RALYL: variants seen among roughly 807,000 people sequenced by gnomAD.
The protein encoded by RALYL is RNA-binding Raly-like protein.
Under a neutral mutation model 35.1 loss-of-function variants are expected in RALYL, and 29 were observed. The observed-to-expected ratio is 0.83, with a 90% CI of 0.61 to 1.13. The LOEUF (loss-of-function observed/expected upper bound fraction) is 1.13. Ranked by LOEUF, RALYL falls within the 50% of genes most tolerant of loss-of-function variation. The pLI is 0.00. For synonymous variants in RALYL, 120 were observed against 127.6 expected, an observed-to-expected ratio of 0.94 and a Z score of 0.40; for missense variants, 359 against 360.4, an observed-to-expected ratio of 1.00 and a Z score of 0.03.
At chr8:84,363,972 C>G (rs1273230201) in intron 1 of RALYL, among the ~76,000 whole-genome samples, 1 of 151,984 alleles carries the variant, frequency 6.6e-6, no homozygotes, top group Non-Finnish European at 1.5e-5. Flanking sequence ...TTGTTTTTAC[C>G]AATGTATTCT....
chr8:84,231,881 G>T (rs1413275735), intron 1 of RALYL, among the ~76,000 whole-genome samples: 1 of 152,064 alleles, frequency 6.6e-6, no homozygotes, highest in East Asian at 1.9e-4. Flanking sequence ...GTTCAGAAAA[G>T]TTCAGTACAG....
intron 1 of RALYL, among the ~76,000 whole-genome samples, chr8:84,382,721 T>C (rs746055760): frequency 9.2e-5 from 14 of 151,692 alleles, no homozygotes; most frequent in Non-Finnish European, 1.5e-4. Flanking sequence ...ATTTCACTTA[T>C]CTTCATATTT....
intron 2 of RALYL, among the ~76,000 whole-genome samples, chr8:84,765,741 T>C (rs539187162): frequency 6.6e-6 from 1 of 152,184 alleles, no homozygotes; most frequent in African/African-American, 2.4e-5. Flanking sequence ...AATCCCTAAA[T>C]CTTCTAAATG....
chr8:84,432,425 G>A lies in RALYL; in HGVS notation c.-23-96874G>A, dbSNP rs188649298. Among the ~76,000 whole-genome samples, 14 of 151,174 alleles carry A rather than the reference G, an allele frequency of 9.3e-5. No individual in the cohort carries two copies. The East Asian group carries it at 2.0e-3, about 22-fold the overall frequency. On this transcript the variant is annotated intron_variant, in intron 1 of 8. Transcript: ENST00000521268. ...TATTCAATACCTGTACAAATTATAC[G>A]TGGTTCTAGAAATCTACTGTATTAA...
intron 1 of RALYL, among the ~76,000 whole-genome samples, chr8:84,368,841 C>A (rs914801591): frequency 6.6e-6 from 1 of 152,068 alleles, no homozygotes; most frequent in African/African-American, 2.4e-5. Flanking sequence ...CAGTCAGCAA[C>A]CCATAATCAA....
At chr8:84,805,239 C>A (rs565284444) in intron 4 of RALYL, among the ~76,000 whole-genome samples, 1 of 152,324 alleles carries the variant, frequency 6.6e-6, no homozygotes, top group Non-Finnish European at 1.5e-5. Flanking sequence ...TCTATCTTTT[C>A]TCCTTATCTC....
At chr8:84,215,071 A>G (rs1820467605) in intron 1 of RALYL, among the ~76,000 whole-genome samples, 1 of 151,856 alleles carries the variant, frequency 6.6e-6, no homozygotes, top group Non-Finnish European at 1.5e-5. Flanking sequence ...GTGCCCGGCT[A>G]ATTTTTTGTA....
chr8:84,215,329 C>T (rs1820544329), intron 1 of RALYL, among the ~76,000 whole-genome samples: 1 of 151,914 alleles, frequency 6.6e-6, no homozygotes, highest in Non-Finnish European at 1.5e-5. Context: ...AATATGGAAA[C>T]ATTTTATTGA....
chr8:84,444,552 A>G (rs776271028), intron 1 of RALYL, among the ~76,000 whole-genome samples: 42 of 152,198 alleles, frequency 2.8e-4, no homozygotes, highest in Middle Eastern at 3.4e-3. Context: ...CGCTAGATAC[A>G]TCATTCTAGC....
chr8:84,698,902 A>G (rs1379794870), intron 2 of RALYL, among the ~76,000 whole-genome samples: 1 of 152,062 alleles, frequency 6.6e-6, no homozygotes, highest in Non-Finnish European at 1.5e-5. Context: ...TCTAGCTACA[A>G]TCTGGCCACT....
chr8:84,630,847 T>G (rs7819269), intron 2 of RALYL, among the ~76,000 whole-genome samples: 29,676 of 151,916 alleles, frequency 0.2, 3,136 homozygotes, highest in Non-Finnish European at 0.23. Flanking sequence ...ATCTGCATTT[T>G]CCAAAGAATT....
intron 1 of RALYL, among the ~76,000 whole-genome samples, chr8:84,457,225 C>A (rs1430261070): frequency 6.6e-6 from 1 of 151,902 alleles, no homozygotes; most frequent in South Asian, 2.1e-4. Flanking sequence ...TCCCTCACCC[C>A]TAAATGATGT....
At chr8:84,624,711 G>C (rs1189536816) in intron 2 of RALYL, among the ~76,000 whole-genome samples, 1 of 152,148 alleles carries the variant, frequency 6.6e-6, no homozygotes, top group African/African-American at 2.4e-5. Flanking sequence ...CGTCTTTGGG[G>C]AACATTAGTC....
Position 84,665,151 on chromosome 8 carries a change from C to T in RALYL, c.257-109428C>T, listed in dbSNP as rs747293798. ...TTTTATTTATTTGTGTATGTTGAAC[C>T]AACCTTGCATGAAGTCTCTTTGATT... On this transcript the variant is annotated intron_variant, in intron 2 of 8. Transcript: ENST00000521268. Among the ~76,000 whole-genome samples, 4 of 151,964 alleles carry T rather than the reference C, an allele frequency of 2.6e-5. No homozygotes were observed. The South Asian group carries it at 6.2e-4, about 24-fold the overall frequency.
chr8:84,845,692 G>T (rs980456037), intron 4 of RALYL, among the ~76,000 whole-genome samples: 6 of 152,040 alleles, frequency 3.9e-5, no homozygotes, highest in African/African-American at 1.4e-4. Context: ...GTCAATTTTT[G>T]ATTTTGTTGC....
chr8:84,189,583 A>T (rs972261292), intron 1 of RALYL, among the ~76,000 whole-genome samples: 2 of 151,888 alleles, frequency 1.3e-5, no homozygotes, highest in African/African-American at 4.8e-5. Context: ...GTATTATTTT[A>T]TATGTTGGAG....
At chr8:84,326,082 A>G (rs1845742737) in intron 1 of RALYL, among the ~76,000 whole-genome samples, 1 of 152,210 alleles carries the variant, frequency 6.6e-6, no homozygotes, top group Non-Finnish European at 1.5e-5. Flanking sequence ...ACTGTACTCC[A>G]GCCTGGGCCA....
intron 2 of RALYL, among the ~76,000 whole-genome samples, chr8:84,553,662 T>C (rs1486357142): frequency 1.3e-5 from 2 of 152,152 alleles, no homozygotes; most frequent in Non-Finnish European, 2.9e-5. Flanking sequence ...AAAGAATATC[T>C]ATTAAATTAT....
intron 2 of RALYL, among the ~76,000 whole-genome samples, chr8:84,559,400 C>T (rs1361895262): frequency 6.6e-6 from 1 of 151,964 alleles, no homozygotes; most frequent in Non-Finnish European, 1.5e-5. Context: ...AGGATAATCT[C>T]AAAAAGCAGA....
Sources: allele counts gnomAD v4.1 joint callset (sites outside exome capture counted in the v4.1 genomes callset), GRCh38; gene constraint gnomAD v4.1.1; transcripts MANE v1.5; gene names NCBI Gene and HGNC (gene_info 2026-07-23, HGNC 2026-07-21).